Variants in SYCP2 observed in about 807,000 individuals in gnomAD.
SYCP2 encodes the protein synaptonemal complex lateral element protein.
SYCP2 carries 55 observed loss-of-function variants against 211.3 expected under a neutral mutation model. The observed-to-expected ratio is 0.26, with a 90% CI of 0.21 to 0.33. SYCP2 has a LOEUF of 0.33. Ranked by LOEUF, SYCP2 falls within the 10% of genes least tolerant of loss-of-function variation. SYCP2 has a pLI of 1.00. For missense variants in SYCP2, 1,731 were observed against 1,752.0 expected (o/e 0.99, Z 0.21); for synonymous variants, 570 against 555.2 (o/e 1.03, Z -0.37).
At chr20:59,929,818 GAATA>G (rs530359742) in intron 2 of SYCP2, among the ~76,000 whole-genome samples, 43 of 150,570 alleles carry the variant, frequency 2.9e-4, no homozygotes, top group African/African-American at 1.0e-3. Context: ...TAGGGATAGG[GAATA>G]AAATGGACCA....
chr20:59,890,057 C>A (rs988837537), intron 24 of SYCP2, among the ~76,000 whole-genome samples: 4 of 152,000 alleles, frequency 2.6e-5, no homozygotes, highest in Admixed American at 6.6e-5. Flanking sequence ...GGGTATATAC[C>A]CAAAGGATTA....
intron 14 of SYCP2, among the ~76,000 whole-genome samples, chr20:59,909,879 T>C (rs1020072809): frequency 6.6e-5 from 10 of 152,232 alleles, no homozygotes; most frequent in Admixed American, 2.0e-4. Context: ...GAGGCTACTT[T>C]ATATTGAGTA....
At position 59,901,700 on chromosome 20, in the gene SYCP2, T is replaced by C. The variant is rs747163396; in HGVS notation, c.1144A>G (p.Asn382Asp). 5.0e-6 allele frequency: 8 copies of C among 1,598,348 alleles called. No individual in the cohort carries two copies. Among genetic ancestry groups the C allele is most frequent in the Non-Finnish European group, 5.1e-6 (6 of 1,171,978 alleles). The change falls in exon 16 of 45, where the codon AAT (asparagine) becomes GAT (aspartate). Residue 382 changes from asparagine to aspartate, a missense_variant. This residue lies in a region of SYCP2 where 1,387 missense variants were observed against 1,351.3 expected (regional missense o/e 1.03). Coordinates refer to ENST00000357552, the MANE Select transcript of SYCP2 (RefSeq NM_014258.4). ...GCACCAAAAATTTTTTGAGTTACAT[T>C]AGTGATTTCTAGTGATGCGTCAAAA... is the stretch of plus-strand genomic sequence containing the variant. The part of the protein sequence containing the change: ...LYFDASLEIT[N>D]VTQKIFGATK...
At chr20:59,893,021 C>T (rs2059937636) in intron 22 of SYCP2, 121 bp downstream of exon 22, 2 of 737,766 alleles carry the variant, frequency 2.7e-6, no homozygotes, top group Non-Finnish European at 2.2e-6. Context: ...GCTGTCATAA[C>T]ACTTGAGAGA....
chr20:59,880,741 G>T (rs2059661689), intron 30 of SYCP2, among the ~76,000 whole-genome samples: 1 of 151,546 alleles, frequency 6.6e-6, no homozygotes, highest in Non-Finnish European at 1.5e-5. Flanking sequence ...TTCCAGAGAG[G>T]TATAACCTAA....
In SYCP2 at chr20:59,913,993, A is replaced by G. The variant is rs752584268; in HGVS notation, c.812T>C (p.Met271Thr). 12 of 1,600,338 alleles carry G rather than the reference A, an allele frequency of 7.5e-6. No homozygotes were observed. The East Asian group carries it at 2.5e-4, about 33-fold the overall frequency. Residue 271 changes from methionine (M) to threonine (T), a missense_variant, in exon 12 of 45, where the codon ATG becomes ACG. Met to Thr is a moderately conservative substitution (Grantham distance 81). Coordinates refer to ENST00000357552, the MANE Select transcript of SYCP2 (RefSeq NM_014258.4). ...AGTTTACCTTCTTTTGTCTCCAAGCATGCCATTTACAAGGTTGAGAAATAT... is the reference window on the plus strand; with the variant it reads ...AGTTTACCTTCTTTTGTCTCCAAGCGTGCCATTTACAAGGTTGAGAAATAT... ...CRIFLNLVNG[M>T]LGDKRRVFTF... is the part of the protein sequence containing the mutation.
intron 2 of SYCP2, among the ~76,000 whole-genome samples, chr20:59,924,506 G>C (rs1173923105): frequency 6.6e-6 from 1 of 151,882 alleles, no homozygotes. Flanking sequence ...CAGTGCTTGA[G>C]GGATGGATAC....
intron 39 of SYCP2, among the ~76,000 whole-genome samples, chr20:59,867,078 T>C (rs1379923531): frequency 1.1e-3 from 53 of 49,808 alleles, no homozygotes; most frequent in Admixed American, 3.4e-4. Context: ...ACCCTGAATA[T>C]AGGAGAAAGG....
chr20:59,917,755 G>T (rs1001012912), intron 7 of SYCP2, among the ~76,000 whole-genome samples: 1 of 152,140 alleles, frequency 6.6e-6, no homozygotes, highest in Non-Finnish European at 1.5e-5. Flanking sequence ...GCTAAAATAA[G>T]TTGGATCTGA....
intron 7 of SYCP2, among the ~76,000 whole-genome samples, chr20:59,918,702 C>T (rs922696201): frequency 3.3e-5 from 5 of 152,108 alleles, no homozygotes; most frequent in Non-Finnish European, 2.9e-5. Flanking sequence ...GCATGAAAAG[C>T]CATTTTCTAA....
intron 24 of SYCP2, 108 bp downstream of exon 24, chr20:59,891,882 G>A (rs1238463562): frequency 6.3e-6 from 6 of 947,990 alleles, no homozygotes; most frequent in Non-Finnish European, 9.3e-6. Context: ...ATTAAACAAG[G>A]TATTACACAT....
intron 14 of SYCP2, 52 bp downstream of exon 14, chr20:59,911,698 A>T: frequency 1.3e-6 from 1 of 779,570 alleles, no homozygotes. Flanking sequence ...AGTAAGTAAA[A>T]ATCTTATATA....
At chr20:59,926,158 G>A (rs1421482171) in intron 2 of SYCP2, among the ~76,000 whole-genome samples, 1 of 152,058 alleles carries the variant, frequency 6.6e-6, no homozygotes, top group Non-Finnish European at 1.5e-5. Flanking sequence ...CATAAGGGAT[G>A]GAATTGTGCC....
intron 15 of SYCP2, 107 bp from the exon 16 acceptor site, chr20:59,901,917 T>C (rs531260483): frequency 1.8e-4 from 163 of 895,942 alleles, no homozygotes; most frequent in Non-Finnish European, 2.4e-4. Context: ...AAATTCAAAT[T>C]CTCAATATTG....
At position 59,864,087 on chromosome 20, in the gene SYCP2, TA is replaced by T. The variant is rs1412586518; in HGVS notation, c.*223del. 553 of 309,620 alleles carry T rather than the reference TA, an allele frequency of 1.8e-3. No individual in the cohort carries two copies. The highest frequency in any genetic ancestry group is 2.7e-3 in the East Asian group (51 of 18,678). The allele number at this position is 309,620 out of a possible 1,614,324, so 19.2% of individuals were successfully genotyped here. A position where few individuals can be genotyped will look rare whatever the true frequency, so the allele number is the denominator to read the frequency against. Reference sequence around the variant, plus strand: ...TTCTTAAAGCTTTTATCTCCAAAATTAAAAAAAAATATTGTATAGACAGAAG... The same window carrying T: ...TTCTTAAAGCTTTTATCTCCAAAATTAAAAAAAATATTGTATAGACAGAAG... On this transcript the variant is annotated 3_prime_UTR_variant, in exon 45 of 45. Coordinates refer to ENST00000357552, the MANE Select transcript of SYCP2 (RefSeq NM_014258.4).
At position 59,866,583 on chromosome 20, in the gene SYCP2, G is replaced by T; in HGVS notation, c.4132C>A (p.His1378Asn). 6.3e-7 allele frequency: 1 copy of T among 1,590,824 alleles called. No individual in the cohort carries two copies. The highest frequency in any genetic ancestry group is 8.5e-7 in the Non-Finnish European group (1 of 1,170,196). ...GTAGTAAAATAACTCAACATTTTATGTCGGATCTGAAAAATACTCATTTTT... is the reference window on the plus strand; with the variant it reads ...GTAGTAAAATAACTCAACATTTTATTTCGGATCTGAAAAATACTCATTTTT... The part of the protein sequence containing the change: ...SEFKRRNNIR[H>N]KMLSYFTTQS... The change falls in exon 40 of 45, where the codon CAT (histidine) becomes AAT (asparagine). Residue 1378 changes from histidine to asparagine, a missense_variant. Coordinates refer to ENST00000357552, the MANE Select transcript of SYCP2 (RefSeq NM_014258.4).
intron 26 of SYCP2, among the ~76,000 whole-genome samples, chr20:59,884,317 AT>A (rs1027408031): frequency 2.6e-5 from 4 of 152,076 alleles, no homozygotes; most frequent in African/African-American, 9.7e-5. Context: ...TAGGAAAAAA[AT>A]ATGTGTTAAA....
intron 14 of SYCP2, 121 bp downstream of exon 14, chr20:59,911,629 C>T (rs1031270046): frequency 1.9e-5 from 8 of 418,282 alleles, no homozygotes; most frequent in African/African-American, 4.1e-5. Flanking sequence ...ACTACTAGAG[C>T]TAATATTAAA....
chr20:59,894,975 C>T (rs140545073), intron 20 of SYCP2, among the ~76,000 whole-genome samples: 1 of 152,182 alleles, frequency 6.6e-6, no homozygotes, highest in African/African-American at 2.4e-5. Flanking sequence ...ACCCTCACCT[C>T]TAGCTATGGG....
Sources: gnomAD v4.1 joint callset for allele counts (sites outside exome capture counted in the v4.1 genomes callset) on GRCh38, gnomAD v4.1.1 for gene constraint, gnomAD v4.1.1 regional missense constraint, MANE v1.5 for transcripts, NCBI Gene and HGNC (gene_info 2026-07-23, HGNC 2026-07-21) for gene names.